Variants in CLEC1A observed in about 807,000 individuals in gnomAD.
CLEC1A encodes C-type lectin domain family 1 member A, also known as C-type lectin-like receptor-1.
CLEC1A carries 34 observed loss-of-function variants against 28.7 expected under a neutral mutation model. The ratio of observed to expected loss-of-function variants is 1.18; its 90% CI spans 0.90 to 1.57. The LOEUF (loss-of-function observed/expected upper bound fraction) is 1.57. Ranked by LOEUF, CLEC1A falls within the 40% of genes most tolerant of loss-of-function variation. CLEC1A has a pLI of 0.00. For missense variants in CLEC1A, 385 were observed against 339.5 expected, an observed-to-expected ratio of 1.13 and a Z score of -1.05; for synonymous variants, 116 against 121.0, an observed-to-expected ratio of 0.96 and a Z score of 0.27.
At chr12:10,074,186 A>G (rs1003666534) in intron 4 of CLEC1A, among the ~76,000 whole-genome samples, 2 of 152,168 alleles carry the variant, frequency 1.3e-5, no homozygotes, top group Admixed American at 6.5e-5. Context: ...CATAGAAATT[A>G]TCTAAATATT....
chr12:10,089,061 T>G, intron 2 of CLEC1A, 63 bp downstream of exon 2: 1 of 1,225,248 alleles, frequency 8.2e-7, no homozygotes. Context: ...CCATAACAAG[T>G]GTTTCTCATC....
chr12:10,097,919 A>AT (rs1412324318), intron 1 of CLEC1A, among the ~76,000 whole-genome samples: 11 of 150,836 alleles, frequency 7.3e-5, no homozygotes, highest in African/African-American at 2.4e-4. Flanking sequence ...TTTAGTTAAA[A>AT]AAAAAAAAAG....
Sources: allele counts gnomAD v4.1 joint callset (sites outside exome capture counted in the v4.1 genomes callset), GRCh38; gene constraint gnomAD v4.1.1; transcripts MANE v1.5; gene names NCBI Gene and HGNC (gene_info 2026-07-23, HGNC 2026-07-21).